SETDB1: variants seen among roughly 807,000 people sequenced by gnomAD.
The protein encoded by SETDB1 is histone-lysine N-methyltransferase SETDB1.
A neutral mutation model predicts 137.4 loss-of-function variants in SETDB1; 31 were observed. That is an observed-to-expected ratio of 0.23 (90% confidence interval 0.17 to 0.30). The LOEUF (loss-of-function observed/expected upper bound fraction) is 0.30, where lower values mean the gene tolerates loss of function less well. Ranked by LOEUF, SETDB1 falls within the 10% of genes least tolerant of loss-of-function variation. The probability of loss-of-function intolerance (pLI) is 1.00; values close to 1 mark genes in which losing one functional copy is unlikely to be tolerated. For missense variants in SETDB1, 1,113 were observed against 1,631.5 expected, an observed-to-expected ratio of 0.68 and a Z score of 5.47; for synonymous variants, 548 against 579.9, an observed-to-expected ratio of 0.95 and a Z score of 0.79.
At chr1:150,960,282 T>A (rs967330823) in intron 15 of SETDB1, among the ~76,000 whole-genome samples, 1 of 151,824 alleles carries the variant, frequency 6.6e-6, no homozygotes. Flanking sequence ...GAGACCAACC[T>A]GGCCAACATG....
chr1:150,927,728 C>CT lies in SETDB1; in HGVS notation c.15dup (p.Gly6TrpfsTer15). Reference sequence around the variant, plus strand: ...GAGGACAAAAGCATGTCTTCCCTTCCTGGGTGCATTGGTTTGGATGCAGCA... The same window carrying CT: ...GAGGACAAAAGCATGTCTTCCCTTCCTTGGGTGCATTGGTTTGGATGCAGCA... On this transcript the variant is annotated frameshift_variant, in exon 2 of 22. Transcript: ENST00000692827. LOFTEE classifies it high-confidence loss of function. The CT allele has an allele frequency of 6.2e-7, 1 of 1,613,990 alleles. No homozygotes were observed. The highest frequency in any genetic ancestry group is 8.5e-7 in the Non-Finnish European group (1 of 1,179,930).
intron 14 of SETDB1, 45 bp from the exon 15 acceptor site, chr1:150,959,131 GCT>G: frequency 7.4e-7 from 1 of 1,344,088 alleles, no homozygotes; most frequent in Non-Finnish European, 1.0e-6. Flanking sequence ...ATTTTTTTGT[GCT>G]CTAGTGATCA....
chr1:150,951,567 T>C, intron 14 of SETDB1, 86 bp downstream of exon 14: 1 of 719,940 alleles, frequency 1.4e-6, no homozygotes, highest in South Asian at 2.0e-5. Flanking sequence ...TCATCAGAAA[T>C]CTAAAAATTG....
At chr1:150,952,539 G>A (rs1303254703) in intron 14 of SETDB1, among the ~76,000 whole-genome samples, 2 of 152,166 alleles carry the variant, frequency 1.3e-5, no homozygotes, top group African/African-American at 4.8e-5. Context: ...AAGACCGAAG[G>A]AGTAGTAGGT....
chr1:150,951,303 AT>A, intron 13 of SETDB1, 61 bp from the exon 14 acceptor site: 1 of 1,256,086 alleles, frequency 8.0e-7, no homozygotes, highest in Non-Finnish European at 1.2e-6. Context: ...GTACATGTGT[AT>A]TGTGTTATTT....
chr1:150,959,581 T>A (rs1051781655), intron 15 of SETDB1, among the ~76,000 whole-genome samples: 2 of 152,176 alleles, frequency 1.3e-5, no homozygotes, highest in Non-Finnish European at 2.9e-5. Context: ...GACATGGTGA[T>A]ATTTCAGAGA....
chr1:150,932,368 C>T (rs919029222), intron 3 of SETDB1, among the ~76,000 whole-genome samples: 1 of 152,048 alleles, frequency 6.6e-6, no homozygotes, highest in Non-Finnish European at 1.5e-5. Flanking sequence ...GAAGTGTTCC[C>T]TCCTCTGAGT....
chr1:150,946,943 A>G lies in SETDB1; in HGVS notation c.1198A>G (p.Ser400Gly). 2.5e-6 allele frequency: 4 copies of G among 1,614,216 alleles called. No homozygotes were observed. The highest frequency in any genetic ancestry group is 3.4e-6 in the Non-Finnish European group (4 of 1,180,024). Residue 400 changes from serine (S) to glycine (G), a missense_variant, in exon 10 of 22, where the codon AGC becomes GGC. Physicochemically the swap from Ser to Gly is moderately conservative, Grantham distance 56. This residue lies in a region of SETDB1 where 154 missense variants were observed against 303.1 expected (regional missense o/e 0.51). Transcript: ENST00000692827. ...RGSTRLEPMF[S>G]MKTSSASALE... ...CTCTACACGGCTGGAGCCCATGTTC[A>G]GCATGAAAACATCCTCAGCCTCTGC... is the stretch of plus-strand genomic sequence containing the variant.
chr1:150,933,773 CTTTTTCT>C (rs1669853382), intron 3 of SETDB1, among the ~76,000 whole-genome samples: 1 of 13,948 alleles, frequency 7.2e-5, no homozygotes, highest in Admixed American at 1.0e-3. Context: ...TTTTCTTTTT[CTTTTTCT>C]TTTTTTTTTT....
chr1:150,963,114 C>T lies in SETDB1; in HGVS notation c.3435C>T (p.Asp1145=). Residue 1145 remains aspartate, a synonymous_variant, in exon 19 of 22, where the codon GAC becomes GAT. Transcript: ENST00000692827. ...TATCCTCTGGCTCTGAAGGGGATGA[C>T]TTTGAGGACAAGAAGAACATGACTG... The part of the protein sequence containing the change: ...QTISSGSEGD[D]FEDKKNMTGP... 6.2e-7 allele frequency: 1 copy of T among 1,613,764 alleles called. No individual in the cohort carries two copies. The highest frequency in any genetic ancestry group is 1.1e-5 in the South Asian group (1 of 91,062).
At chr1:150,961,901 C>T (rs936330937) in intron 16 of SETDB1, 38 of 622,042 alleles carry the variant, frequency 6.1e-5, no homozygotes, top group Non-Finnish European at 9.9e-5. Flanking sequence ...TAATCCTGCT[C>T]GTGGTGTTTT....
intron 3 of SETDB1, among the ~76,000 whole-genome samples, chr1:150,936,823 TA>T (rs879538164): frequency 1.6e-3 from 238 of 146,654 alleles, no homozygotes; most frequent in Middle Eastern, 3.5e-3. Flanking sequence ...CTGCCTGATT[TA>T]AAAAAAAAAA....
intron 1 of SETDB1, chr1:150,926,840 T>C: frequency 1.9e-6 from 1 of 533,520 alleles, no homozygotes; most frequent in Non-Finnish European, 3.8e-6. Flanking sequence ...GTTGCTTTAC[T>C]TCTCTGTACT....
intron 10 of SETDB1, 108 bp downstream of exon 10, chr1:150,947,120 G>T (rs1291764919): frequency 5.3e-6 from 7 of 1,319,778 alleles, no homozygotes; most frequent in Non-Finnish European, 7.3e-6. Context: ...TATACTCATT[G>T]GAAACAGGAT....
In SETDB1 at chr1:150,949,388, C is replaced by T. The variant is rs1421667901; in HGVS notation, c.1446C>T (p.Ala482=). ...CTAGAAGCTTGGAAAGCCAGCTTGC[C>T]CAGTCACGGAAGCAGGTAGCCAAAA... is the stretch of plus-strand genomic sequence containing the variant. The part of the protein sequence containing the change: ...GDSESLESQL[A]QSRKQVAKKS... Residue 482 remains alanine (A), a synonymous_variant, in exon 12 of 22, where the codon GCC becomes GCT. Transcript: ENST00000692827. 6 of 1,614,174 alleles carry T rather than the reference C, an allele frequency of 3.7e-6. No homozygotes were observed. The highest frequency in any genetic ancestry group is 5.1e-6 in the Non-Finnish European group (6 of 1,180,038).
chr1:150,940,037 C>A, intron 4 of SETDB1, 63 bp downstream of exon 4: 1 of 1,335,764 alleles, frequency 7.5e-7, no homozygotes, highest in Non-Finnish European at 1.1e-6. Context: ...AATTTTTTGG[C>A]CTAACCATTT....
At chr1:150,928,521 G>C (rs1378018591) in intron 2 of SETDB1, among the ~76,000 whole-genome samples, 3 of 151,974 alleles carry the variant, frequency 2.0e-5, no homozygotes, top group Admixed American at 2.0e-4. Flanking sequence ...GGATTGTAAA[G>C]AATTTCTGTC....
chr1:150,926,411 C>T lies in SETDB1; in HGVS notation c.-118C>T. On this transcript the variant is annotated 5_prime_UTR_variant, in exon 1 of 22. Coordinates refer to ENST00000692827, the MANE Select transcript of SETDB1 (RefSeq NM_001366418.1). The stretch of plus-strand genomic sequence containing the variant: ...CTTTCACGCTTCCTCCCCTCCCCCT[C>T]CTCCCTTATCCCTTCGCTTTCGCTC... 8.9e-6 allele frequency: 2 copies of T among 224,714 alleles called. No homozygotes were observed. Among genetic ancestry groups the T allele is most frequent in the South Asian group, 9.6e-5 (2 of 20,784 alleles). 13.9% of individuals were successfully genotyped at this position (224,714 alleles called of 1,614,324 possible). A position where few individuals can be genotyped will look rare whatever the true frequency, so the allele number is the denominator to read the frequency against.
chr1:150,937,357 G>T (rs146405982), intron 3 of SETDB1, among the ~76,000 whole-genome samples: 2 of 152,216 alleles, frequency 1.3e-5, no homozygotes, highest in African/African-American at 2.4e-5. Context: ...TGTTTAATAG[G>T]TACAGAGTTT....
Sources: gnomAD v4.1 joint callset for allele counts (sites outside exome capture counted in the v4.1 genomes callset) on GRCh38, gnomAD v4.1.1 for gene constraint, gnomAD v4.1.1 regional missense constraint, MANE v1.5 for transcripts, NCBI Gene and HGNC (gene_info 2026-07-23, HGNC 2026-07-21) for gene names.